The following SNRPN variants were observed in gnomAD, a reference collection of about 807,000 sequenced individuals.
SNRPN encodes the protein small nuclear ribonucleoprotein-associated protein N.
In SNRPN, 7 loss-of-function variants were observed where a neutral mutation model predicts 25.2. The ratio of observed to expected loss-of-function variants is 0.28; its 90% CI spans 0.16 to 0.52. The LOEUF (loss-of-function observed/expected upper bound fraction) is 0.52. Among genes scored for constraint, SNRPN ranks in the 20% least tolerant of loss-of-function variants. SNRPN has a pLI of 0.96. For missense variants in SNRPN, 196 were observed against 322.5 expected (o/e 0.61, Z 3.00); for synonymous variants, 124 against 110.6 (o/e 1.12, Z -0.76).
At chr15:24,830,298 G>A (rs2050411589) in intron 2 of SNRPN, among the ~76,000 whole-genome samples, 3 of 152,040 alleles carry the variant, frequency 2.0e-5, no homozygotes, top group Middle Eastern at 6.8e-3. Flanking sequence ...AATTCAGTGG[G>A]GGTCACCTCT....
intron 1 of SNRPN, among the ~76,000 whole-genome samples, chr15:24,881,061 A>G (rs995436939): frequency 6.6e-6 from 1 of 152,150 alleles, no homozygotes; most frequent in Non-Finnish European, 1.5e-5. Context: ...TTTCACTTTT[A>G]TGAACTAAAA....
intron 2 of SNRPN, among the ~76,000 whole-genome samples, chr15:24,835,488 C>A (rs1179923756): frequency 6.6e-6 from 1 of 152,028 alleles, no homozygotes; most frequent in Non-Finnish European, 1.5e-5. Flanking sequence ...TCTGGCCTGC[C>A]TGTGGCAGTA....
rs1428282569 is a variant in SNRPN at position 24,875,781 on chromosome 15, C to T, written c.-578-10735C>T. On this transcript the variant is annotated intron_variant, in intron 1 of 11. Coordinates refer to the SNRPN transcript ENST00000400097. Reference sequence around the variant, plus strand: ...AGAAATAAAAATTTTAGGCCGGGTGCGGTAGTTCATGCCTGTAATCCCAGC... The same window carrying T: ...AGAAATAAAAATTTTAGGCCGGGTGTGGTAGTTCATGCCTGTAATCCCAGC... 3.9e-5 allele frequency among the ~76,000 whole-genome samples: 6 copies of T among 152,024 alleles called. 1 individual carries two copies. Among genetic ancestry groups the T allele is most frequent in the South Asian group, 4.2e-4 (2 of 4,812 alleles).
chr15:24,875,231 A>G (rs936446679), intron 1 of SNRPN, among the ~76,000 whole-genome samples: 1 of 152,198 alleles, frequency 6.6e-6, no homozygotes, highest in Non-Finnish European at 1.5e-5. Flanking sequence ...GGTAGGCAAT[A>G]TTACCACTCC....
chr15:24,883,309 T>C (rs1365068065), intron 1 of SNRPN, among the ~76,000 whole-genome samples: 1 of 152,190 alleles, frequency 6.6e-6, no homozygotes, highest in Non-Finnish European at 1.5e-5. Flanking sequence ...CACAGCCCTG[T>C]ACATCAGCCT....
chr15:24,973,793 CT>C (rs1378191097), intron 3 of SNRPN, among the ~76,000 whole-genome samples: 1 of 152,154 alleles, frequency 6.6e-6, no homozygotes, highest in Non-Finnish European at 1.5e-5. Context: ...CATGTGTTCT[CT>C]TTTGACATGG....
At chr15:24,952,044 T>TAC (rs543387968), upstream of SNRPN, among the ~76,000 whole-genome samples, 1,398 of 151,934 alleles carry the variant, frequency 9.2e-3, 21 homozygotes, top group African/African-American at 0.031. Flanking sequence ...TTTATATATA[T>TAC]ACACACATAT....
intron 3 of SNRPN, among the ~76,000 whole-genome samples, chr15:24,935,920 C>T (rs1596011090): frequency 6.6e-6 from 1 of 151,838 alleles, no homozygotes; most frequent in East Asian, 1.9e-4. Context: ...TCAAGACCAG[C>T]CTGGCCAACA....
intron 2 of SNRPN, among the ~76,000 whole-genome samples, chr15:24,966,478 C>T (rs2075654758): frequency 6.6e-6 from 1 of 152,144 alleles, no homozygotes; most frequent in Non-Finnish European, 1.5e-5. Flanking sequence ...AATCACTGGA[C>T]ATGTCACTGA....
chr15:24,878,900 T>C (rs1471408045), intron 1 of SNRPN, among the ~76,000 whole-genome samples: 1 of 152,098 alleles, frequency 6.6e-6, no homozygotes, highest in Non-Finnish European at 1.5e-5. Flanking sequence ...TAATATACCT[T>C]TAATATGAGA....
intron 1 of SNRPN, among the ~76,000 whole-genome samples, chr15:24,858,907 G>A (rs183670068): frequency 6.7e-6 from 1 of 149,062 alleles, no homozygotes; most frequent in Non-Finnish European, 1.5e-5. Context: ...TGCCTTTGTT[G>A]CATGCCCGGA....
At chr15:24,913,886 G>A (rs59085400) in intron 2 of SNRPN, among the ~76,000 whole-genome samples, 1,718 of 152,266 alleles carry the variant, frequency 0.011, 35 homozygotes, top group Middle Eastern at 0.068. Flanking sequence ...GCAGAGAACC[G>A]TACATTTTTA....
chr15:24,909,607 A>AT, intron 2 of SNRPN: 1 of 1,226,444 alleles, frequency 8.2e-7, no homozygotes, highest in Non-Finnish European at 1.2e-6. Flanking sequence ...AGACTATCAT[A>AT]TCCCCCTCTA....
At chr15:24,869,820 T>G (rs1191397465) in intron 1 of SNRPN, among the ~76,000 whole-genome samples, 5 of 152,166 alleles carry the variant, frequency 3.3e-5, no homozygotes, top group African/African-American at 1.2e-4. Flanking sequence ...AGCACATACT[T>G]AAGAACAAGA....
chr15:24,902,882 C>A (rs540667956), intron 2 of SNRPN, among the ~76,000 whole-genome samples: 1 of 152,182 alleles, frequency 6.6e-6, no homozygotes, highest in South Asian at 2.1e-4. Flanking sequence ...GCTTCCACAG[C>A]GTGGAAAGGG....
At chr15:24,844,152 T>TGTG (rs2051979695) in intron 2 of SNRPN, among the ~76,000 whole-genome samples, 1 of 134,756 alleles carries the variant, frequency 7.4e-6, no homozygotes. Context: ...GTGTGTGTGT[T>TGTG]TGTGTGTGCG....
At chr15:24,867,748 A>G (rs569509944) in intron 1 of SNRPN, among the ~76,000 whole-genome samples, 49 of 152,138 alleles carry the variant, frequency 3.2e-4, no homozygotes, top group African/African-American at 1.1e-3. Context: ...GTGTCTTTTC[A>G]TTGGTGGTTT....
Position 24,978,238 on chromosome 15 carries a change from C to T in SNRPN, c.605C>T (p.Pro202Leu). 6.2e-7 allele frequency: 1 copy of T among 1,613,924 alleles called. No individual in the cohort carries two copies. The highest frequency in any genetic ancestry group is 8.5e-7 in the Non-Finnish European group (1 of 1,179,840). Residue 202 changes from proline to leucine, a missense_variant, in exon 9 of 10, where the codon CCA becomes CTA. Coordinates refer to ENST00000390687, the MANE Select transcript of SNRPN (RefSeq NM_003097.6). ...PPGMRPPMGP[P>L]IGLPPARGTP... ...GGTATGAGACCACCCATGGGCCCAC[C>T]AATTGGGCTTCCCCCTGCTCGAGGG...
intron 3 of SNRPN, 194 bp downstream of exon 3, chr15:24,968,276 T>C: frequency 2.1e-6 from 1 of 476,688 alleles, no homozygotes. Flanking sequence ...GTTTCTGTAT[T>C]CCAGTTATTG....
Sources: allele counts gnomAD v4.1 joint callset (sites outside exome capture counted in the v4.1 genomes callset), GRCh38; gene constraint gnomAD v4.1.1; transcripts MANE v1.5; gene names NCBI Gene and HGNC (gene_info 2026-07-23, HGNC 2026-07-21).